The following ABHD17B variants were observed in gnomAD, a reference collection of about 807,000 sequenced individuals.
ABHD17B encodes alpha/beta hydrolase domain-containing protein 17B.
Under a neutral mutation model 26.2 loss-of-function variants are expected in ABHD17B, and 9 were observed. The observed-to-expected ratio is 0.34, with a 90% CI of 0.21 to 0.60. The LOEUF is 0.60. Among genes scored for constraint, ABHD17B ranks in the 20% least tolerant of loss-of-function variants. ABHD17B has a pLI of 0.80. For synonymous variants in ABHD17B, 127 were observed against 122.3 expected, an observed-to-expected ratio of 1.04 and a Z score of -0.25; for missense variants, 224 against 352.1, an observed-to-expected ratio of 0.64 and a Z score of 2.91.
chr9:71,893,215 C>T (rs143807626), intron 1 of ABHD17B, among the ~76,000 whole-genome samples: 25 of 152,296 alleles, frequency 1.6e-4, no homozygotes, highest in African/African-American at 3.8e-4. Flanking sequence ...TGCAAGCAAT[C>T]GCTTCTGCAG....
chr9:71,878,271 A>G (rs954099489), intron 1 of ABHD17B, among the ~76,000 whole-genome samples: 1 of 152,206 alleles, frequency 6.6e-6, no homozygotes, highest in Non-Finnish European at 1.5e-5. Context: ...CAGTGAGCTA[A>G]AAGATCAGGT....
chr9:71,899,079 G>A (rs1827054938), intron 1 of ABHD17B, among the ~76,000 whole-genome samples: 1 of 151,498 alleles, frequency 6.6e-6, no homozygotes, highest in Non-Finnish European at 1.5e-5. Flanking sequence ...AGCCGAGATT[G>A]TGCCACTGCA....
intron 1 of ABHD17B, among the ~76,000 whole-genome samples, chr9:71,888,988 C>T (rs192887198): frequency 2.7e-5 from 4 of 150,558 alleles, no homozygotes; most frequent in Non-Finnish European, 5.9e-5. Flanking sequence ...AATAACATTG[C>T]TATTATGAAA....
At position 71,870,294 on chromosome 9, in the gene ABHD17B, A is replaced by G. The variant is rs140654071; in HGVS notation, c.468-32T>C. 420 of 1,537,258 alleles carry G rather than the reference A, an allele frequency of 2.7e-4. 2 individuals carry two copies. The African/African-American group carries it at 5.2e-3, about 19-fold the overall frequency. ...AGTTCAGGCGTTAAAAACAAAAACC[A>G]AAAAAGTTGGAGTGATATGAAATGT... On this transcript the variant is annotated intron_variant, in intron 2 of 3. Transcript: ENST00000333421.
chr9:71,875,825 T>C (rs1826258664), intron 1 of ABHD17B, among the ~76,000 whole-genome samples: 1 of 152,212 alleles, frequency 6.6e-6, no homozygotes, highest in African/African-American at 2.4e-5. Context: ...TATGAAGCTA[T>C]TTGTCAGGCA....
At chr9:71,892,479 G>C (rs1039824399) in intron 1 of ABHD17B, among the ~76,000 whole-genome samples, 1 of 151,910 alleles carries the variant, frequency 6.6e-6, no homozygotes, top group African/African-American at 2.4e-5. Flanking sequence ...CTTGCAGTGA[G>C]AGGAGATCAC....
In ABHD17B at chr9:71,907,531, G is replaced by A. The variant is rs112730790; in HGVS notation, c.-4+3103C>T. ...TCGTTTTTTGTTTTTGTTTTTCTGAGACAGAGTTTTGCTCTTGCTGCCCAC... is the reference window on the plus strand; with the variant it reads ...TCGTTTTTTGTTTTTGTTTTTCTGAAACAGAGTTTTGCTCTTGCTGCCCAC... On this transcript the variant is annotated intron_variant, in intron 1 of 3. Coordinates refer to ENST00000333421, the MANE Select transcript of ABHD17B (RefSeq NM_001025780.3). 3.7e-3 allele frequency among the ~76,000 whole-genome samples: 570 copies of A among 152,236 alleles called. 3 individuals carry two copies. Among genetic ancestry groups the A allele is most frequent in the Middle Eastern group, 0.014 (4 of 294 alleles).
Position 71,881,993 on chromosome 9 carries a change from A to G in ABHD17B, c.-3-6910T>C, listed in dbSNP as rs1191601541. ...TTCTCCAAAAGATATACAAATGGCCAATGGGCATGTGAAAAGATGCTTAAC... is the reference window on the plus strand; with the variant it reads ...TTCTCCAAAAGATATACAAATGGCCGATGGGCATGTGAAAAGATGCTTAAC... On this transcript the variant is annotated intron_variant, in intron 1 of 3. Coordinates refer to ENST00000333421, the MANE Select transcript of ABHD17B (RefSeq NM_001025780.3). 2.0e-5 allele frequency among the ~76,000 whole-genome samples: 3 copies of G among 152,200 alleles called. No homozygotes were observed. In the East Asian group the frequency reaches 5.8e-4, roughly 29 times the overall value.
At chr9:71,902,040 G>A (rs1341744816) in intron 1 of ABHD17B, among the ~76,000 whole-genome samples, 1 of 152,138 alleles carries the variant, frequency 6.6e-6, no homozygotes, top group East Asian at 1.9e-4. Flanking sequence ...TCCTCGCTAA[G>A]AGAGGTTCTT....
At chr9:71,887,466 G>T (rs1044279520) in intron 1 of ABHD17B, among the ~76,000 whole-genome samples, 1 of 152,140 alleles carries the variant, frequency 6.6e-6, no homozygotes, top group African/African-American at 2.4e-5. Context: ...TTTTCCCTCA[G>T]TTTCTTGATA....
At chr9:71,867,086 T>C in intron 3 of ABHD17B, 80 bp from the exon 4 acceptor site, 1 of 1,453,192 alleles carries the variant, frequency 6.9e-7, no homozygotes, top group Non-Finnish European at 9.4e-7. Flanking sequence ...ATCAGACAGA[T>C]AATTCAAATA....
Position 71,868,388 on chromosome 9 carries a change from T to C in ABHD17B, c.648-1382A>G, listed in dbSNP as rs1157996385. 6.6e-5 allele frequency among the ~76,000 whole-genome samples: 10 copies of C among 152,274 alleles called. No homozygotes were observed. In the South Asian group the frequency reaches 1.2e-3, roughly 19 times the overall value. Reference sequence around the variant, plus strand: ...GCAGGCAACCAAGAATTATCAGACATGAGAGGAGAACACTTCAAATAACAG... The same window carrying C: ...GCAGGCAACCAAGAATTATCAGACACGAGAGGAGAACACTTCAAATAACAG... On this transcript the variant is annotated intron_variant, in intron 3 of 3. Transcript: ENST00000333421.
intron 1 of ABHD17B, among the ~76,000 whole-genome samples, chr9:71,906,210 TG>T (rs1827278088): frequency 6.6e-6 from 1 of 152,236 alleles, no homozygotes; most frequent in African/African-American, 2.4e-5. Context: ...CAAGTTTATT[TG>T]TATAGTTTTA....
chr9:71,909,020 C>A (rs572595003), intron 1 of ABHD17B, among the ~76,000 whole-genome samples: 2 of 152,220 alleles, frequency 1.3e-5, no homozygotes, highest in African/African-American at 4.8e-5. Context: ...ATTATTTTTT[C>A]ATGATGTTTT....
rs1026750362 is a variant in ABHD17B at position 71,865,857 on chromosome 9, T to A, written c.*930A>T. 12 of 980,876 alleles carry A rather than the reference T, an allele frequency of 1.2e-5. No individual in the cohort carries two copies. Among genetic ancestry groups the A allele is most frequent in the African/African-American group, 1.8e-5 (1 of 57,082 alleles). The allele number at this position is 980,876 out of a possible 1,614,324, so 60.8% of individuals were successfully genotyped here. ...GCCTCAGTGACACAGCAAGACTCCA[T>A]CTCAAAAAATGAAAAAAATAGCCAA... On this transcript the variant is annotated 3_prime_UTR_variant, in exon 4 of 4. Transcript: ENST00000333421.
chr9:71,903,549 A>C (rs1827202878), intron 1 of ABHD17B, among the ~76,000 whole-genome samples: 1 of 152,220 alleles, frequency 6.6e-6, no homozygotes, highest in Non-Finnish European at 1.5e-5. Flanking sequence ...CACAAAGATG[A>C]CATATGGTAA....
At chr9:71,876,662 C>T (rs931321572) in intron 1 of ABHD17B, among the ~76,000 whole-genome samples, 1 of 151,464 alleles carries the variant, frequency 6.6e-6, no homozygotes, top group African/African-American at 2.4e-5. Context: ...CCCTATTACA[C>T]CAAAAATGGG....
At chr9:71,898,282 GA>G (rs1827018215) in intron 1 of ABHD17B, among the ~76,000 whole-genome samples, 1 of 152,016 alleles carries the variant, frequency 6.6e-6, no homozygotes, top group Admixed American at 6.6e-5. Flanking sequence ...AGGCTAGGAG[GA>G]TAATGTGTAA....
At position 71,876,711 on chromosome 9, in the gene ABHD17B, T is replaced by C. The variant is rs1826288351; in HGVS notation, c.-3-1628A>G. On this transcript the variant is annotated intron_variant, in intron 1 of 3. Coordinates refer to ENST00000333421, the MANE Select transcript of ABHD17B (RefSeq NM_001025780.3). ...AACAGAGTGACTAAATGGTTGAGAA[T>C]ATCTGGGGGAAAAAATGCCCTTTTC... 2.0e-5 allele frequency among the ~76,000 whole-genome samples: 3 copies of C among 151,830 alleles called. No individual in the cohort carries two copies. In the South Asian group the frequency reaches 6.2e-4, roughly 32 times the overall value.
Sources: allele counts gnomAD v4.1 joint callset (sites outside exome capture counted in the v4.1 genomes callset), GRCh38; gene constraint gnomAD v4.1.1; transcripts MANE v1.5; gene names NCBI Gene and HGNC (gene_info 2026-07-23, HGNC 2026-07-21).